The following ORC3 variants were observed in gnomAD, a reference collection of about 807,000 sequenced individuals.
The protein encoded by ORC3 is origin recognition complex subunit 3, also known as homolog of latheo, Drosophila.
ORC3 carries 78 observed loss-of-function variants against 100.7 expected under a neutral mutation model. The ratio of observed to expected loss-of-function variants is 0.77; its 90% CI spans 0.65 to 0.94. The LOEUF is 0.94. ORC3 is among the 40% of genes least tolerant of loss of function. ORC3 has a pLI of 0.00. For missense variants in ORC3, 789 were observed against 823.9 expected (o/e 0.96, Z 0.52); for synonymous variants, 295 against 289.3 (o/e 1.02, Z -0.20).
chr6:87,675,310 A>G, the ORC3 span: 1 of 456,206 alleles, frequency 2.2e-6, no homozygotes, highest in Non-Finnish European at 3.9e-6. Context: ...CTAGAATACC[A>G]GCTTTAATCC....
At chr6:87,607,933 C>G in intron 6 of ORC3, 109 bp downstream of exon 6, 1 of 640,118 alleles carries the variant, frequency 1.6e-6, no homozygotes, top group Non-Finnish European at 2.5e-6. Context: ...GTTTCTGCAG[C>G]ACTAGGTGTT....
chr6:87,674,202 T>C, the ORC3 span, among the ~76,000 whole-genome samples: 1 of 146,386 alleles, frequency 6.8e-6, no homozygotes, highest in South Asian at 2.1e-4. Context: ...CTCAGGAGGC[T>C]GAGGCAGGAG....
intron 13 of ORC3, among the ~76,000 whole-genome samples, chr6:87,652,332 T>C (rs1468691361): frequency 1.3e-5 from 2 of 152,248 alleles, no homozygotes; most frequent in Non-Finnish European, 2.9e-5. Context: ...TTACTGAGTA[T>C]GATCTTAGTG....
At chr6:87,600,470 T>C (rs772267092) in intron 2 of ORC3, among the ~76,000 whole-genome samples, 3 of 152,220 alleles carry the variant, frequency 2.0e-5, no homozygotes, top group Non-Finnish European at 4.4e-5. Flanking sequence ...ACAGGATTAC[T>C]GTAAAATTAA....
intron 11 of ORC3, among the ~76,000 whole-genome samples, chr6:87,630,044 T>C (rs917849681): frequency 9.9e-5 from 15 of 152,248 alleles, no homozygotes; most frequent in African/African-American, 3.6e-4. Flanking sequence ...TATTTACATA[T>C]TGAGAAATTT....
Position 87,621,482 on chromosome 6 carries a change from T to C in ORC3, c.1116T>C (p.Phe372=). 6.3e-7 allele frequency: 1 copy of C among 1,583,068 alleles called. No homozygotes were observed. Among genetic ancestry groups the C allele is most frequent in the East Asian group, 2.3e-5 (1 of 43,906 alleles). ...AAAACATCCGACGTCTACCATCTTT[T>C]AGGAGGTAAAAAGAGAAGTACATGT... ...QCENIRRLPS[F]RRYVEKQASE... is the part of the protein sequence containing the mutation. Residue 372 remains phenylalanine, a synonymous_variant, in exon 10 of 20, where the codon TTT becomes TTC. Coordinates refer to ENST00000392844, the MANE Select transcript of ORC3 (RefSeq NM_012381.4).
intron 1 of ORC3, among the ~76,000 whole-genome samples, chr6:87,590,564 A>G (rs925046890): frequency 6.6e-6 from 1 of 152,242 alleles, no homozygotes; most frequent in Non-Finnish European, 1.5e-5. Flanking sequence ...GAAAGTCGGT[A>G]AACATAGATA....
chr6:87,618,340 TGGAG>T (rs1372038711), intron 9 of ORC3, among the ~76,000 whole-genome samples: 1 of 150,220 alleles, frequency 6.7e-6, no homozygotes, highest in East Asian at 1.9e-4. Context: ...ACCTGGGAGG[TGGAG>T]GTTGTAGTGA....
intron 9 of ORC3, among the ~76,000 whole-genome samples, chr6:87,620,396 G>A (rs952540590): frequency 2.6e-5 from 4 of 152,224 alleles, no homozygotes; most frequent in Non-Finnish European, 5.9e-5. Context: ...TACAGCCTTA[G>A]AGAATGGACT....
chr6:87,656,358 C>T (rs371937736), intron 14 of ORC3, among the ~76,000 whole-genome samples: 7 of 152,072 alleles, frequency 4.6e-5, no homozygotes, highest in Admixed American at 2.6e-4. Context: ...GAGGCCAAAG[C>T]GGGTGGATCA....
intron 11 of ORC3, among the ~76,000 whole-genome samples, chr6:87,631,000 A>G (rs1767362145): frequency 6.6e-6 from 1 of 151,718 alleles, no homozygotes; most frequent in South Asian, 2.1e-4. Context: ...CCTCCTGAGT[A>G]TCTGGGACTA....
chr6:87,634,806 G>T (rs1767687703), intron 11 of ORC3, 39 bp from the exon 12 acceptor site: 10 of 984,630 alleles, frequency 1.0e-5, no homozygotes, highest in Non-Finnish European at 1.5e-5. Flanking sequence ...TCTTTTATTA[G>T]CTGACTTACA....
chr6:87,616,234 G>A (rs573786116), intron 8 of ORC3, 80 bp from the exon 9 acceptor site: 2 of 535,404 alleles, frequency 3.7e-6, no homozygotes, highest in African/African-American at 3.8e-5. Flanking sequence ...ATCATTCTTT[G>A]CCTCATTATT....
At chr6:87,611,503 C>T (rs575674883) in intron 7 of ORC3, among the ~76,000 whole-genome samples, 3 of 152,136 alleles carry the variant, frequency 2.0e-5, no homozygotes, top group East Asian at 3.9e-4. Flanking sequence ...GTATAATCTT[C>T]GGCCCGGGCA....
the ORC3 span, among the ~76,000 whole-genome samples, chr6:87,673,581 G>A: frequency 4.6e-5 from 7 of 152,204 alleles, no homozygotes; most frequent in Non-Finnish European, 1.0e-4. Flanking sequence ...AGTGGCTCAC[G>A]CCTGTAATCA....
intron 13 of ORC3, among the ~76,000 whole-genome samples, chr6:87,644,814 A>C (rs1768623327): frequency 6.6e-6 from 1 of 151,892 alleles, no homozygotes; most frequent in Non-Finnish European, 1.5e-5. Context: ...GTGCCAGTGC[A>C]CTCTAGGCTG....
chr6:87,606,060 T>C (rs1404171320), intron 5 of ORC3, 39 bp downstream of exon 5: 2 of 1,064,354 alleles, frequency 1.9e-6, no homozygotes, highest in Admixed American at 1.8e-5. Flanking sequence ...GATGAGATGT[T>C]ACAGACTTCT....
chr6:87,621,344 T>C lies in ORC3; in HGVS notation c.988-10T>C. Reference sequence around the variant, plus strand: ...ATAACAAATATGTTTAATCTTCACATGTCTTTCAGCTTTCTCTATTAGAGC... The same window carrying C: ...ATAACAAATATGTTTAATCTTCACACGTCTTTCAGCTTTCTCTATTAGAGC... On this transcript the variant is annotated splice_polypyrimidine_tract_variant and intron_variant, in intron 9 of 19. Transcript: ENST00000392844. 2.0e-6 allele frequency: 3 copies of C among 1,498,716 alleles called. No homozygotes were observed. The highest frequency in any genetic ancestry group is 2.7e-6 in the Non-Finnish European group (3 of 1,127,982). The allele number at this position is 1,498,716 out of a possible 1,614,324, so 92.8% of individuals were successfully genotyped here.
chr6:87,603,625 G>C, intron 4 of ORC3, 97 bp downstream of exon 4: 1 of 639,330 alleles, frequency 1.6e-6, no homozygotes, highest in Non-Finnish European at 2.5e-6. Context: ...CTGTTTTGAT[G>C]AGCCTATTTT....
Sources: gnomAD v4.1 joint callset for allele counts (sites outside exome capture counted in the v4.1 genomes callset) on GRCh38, gnomAD v4.1.1 for gene constraint, MANE v1.5 for transcripts, NCBI Gene and HGNC (gene_info 2026-07-23, HGNC 2026-07-21) for gene names.